The following TENM3 variants were observed in gnomAD, a reference collection of about 807,000 sequenced individuals.
The protein encoded by TENM3 is teneurin transmembrane protein 3, also known as teneurin-3.
Under a neutral mutation model 255.1 loss-of-function variants are expected in TENM3, and 63 were observed. That is an observed-to-expected ratio of 0.25 (90% confidence interval 0.20 to 0.30). The LOEUF (loss-of-function observed/expected upper bound fraction) is 0.30, where lower values mean the gene tolerates loss of function less well. TENM3 is among the 10% of genes least tolerant of loss of function. The probability of loss-of-function intolerance (pLI) is 1.00; values close to 1 mark genes in which losing one functional copy is unlikely to be tolerated. For missense variants in TENM3, 2,929 were observed against 3,461.1 expected (o/e 0.85, Z 3.86); for synonymous variants, 1,306 against 1,322.3 (o/e 0.99, Z 0.27).
At chr4:182,488,377 T>C (rs1344988366) in intron 3 of TENM3, among the ~76,000 whole-genome samples, 1 of 152,184 alleles carries the variant, frequency 6.6e-6, no homozygotes, top group African/African-American at 2.4e-5. Context: ...TTTTAGATGG[T>C]GTCACTGAGG....
intron 1 of TENM3, among the ~76,000 whole-genome samples, chr4:182,194,984 CT>C (rs1257140952): frequency 1.3e-5 from 2 of 151,650 alleles, no homozygotes; most frequent in African/African-American, 4.9e-5. Flanking sequence ...GTAATTATCA[CT>C]GCAAGGCTTA....
the TENM3 span, among the ~76,000 whole-genome samples, chr4:182,013,079 C>G: frequency 6.6e-6 from 1 of 152,166 alleles, no homozygotes; most frequent in Non-Finnish European, 1.5e-5. Context: ...CAATTCTCCA[C>G]TTTTCCCCTT....
chr4:182,686,434 G>A (rs1736418386), intron 11 of TENM3, among the ~76,000 whole-genome samples: 1 of 152,004 alleles, frequency 6.6e-6, no homozygotes, highest in South Asian at 2.1e-4. Context: ...AAGTTTACAA[G>A]CAGTATAATT....
chr4:181,943,105 T>A, the TENM3 span, among the ~76,000 whole-genome samples: 1 of 152,238 alleles, frequency 6.6e-6, no homozygotes, highest in Admixed American at 6.5e-5. Flanking sequence ...CAAATGTAAT[T>A]TTAGGGCAAA....
At chr4:182,270,725 T>C (rs779302701) in intron 1 of TENM3, among the ~76,000 whole-genome samples, 1 of 152,210 alleles carries the variant, frequency 6.6e-6, no homozygotes, top group Non-Finnish European at 1.5e-5. Flanking sequence ...AAATTCTCAC[T>C]TTCAGGAAAT....
intron 4 of TENM3, among the ~76,000 whole-genome samples, chr4:182,601,367 G>A (rs558722603): frequency 2.0e-5 from 3 of 152,116 alleles, no homozygotes; most frequent in African/African-American, 7.2e-5. Flanking sequence ...ACAGTTTGTT[G>A]CCTACAAGAG....
At chr4:182,649,807 G>A (rs1183889693) in intron 5 of TENM3, among the ~76,000 whole-genome samples, 1 of 150,382 alleles carries the variant, frequency 6.6e-6, no homozygotes, top group African/African-American at 2.4e-5. Context: ...CCAGCCTGCA[G>A]TGTCTTTGGA....
intron 3 of TENM3, among the ~76,000 whole-genome samples, chr4:182,468,522 C>T (rs148238420): frequency 6.6e-5 from 10 of 152,196 alleles, no homozygotes; most frequent in African/African-American, 1.2e-4. Flanking sequence ...GAAATTCTTC[C>T]GTTATCCTTT....
chr4:182,622,416 A>G (rs12648727), intron 4 of TENM3, among the ~76,000 whole-genome samples: 10,647 of 152,258 alleles, frequency 0.07, 432 homozygotes, highest in East Asian at 0.14. Context: ...CTCATGATCT[A>G]CTGATGTCTC....
chr4:182,679,480 G>A (rs1308366008), intron 7 of TENM3, among the ~76,000 whole-genome samples, 186 bp from the exon 8 acceptor site: 1 of 152,130 alleles, frequency 6.6e-6, no homozygotes, highest in South Asian at 2.1e-4. Flanking sequence ...AGCCCTGTGT[G>A]GCGAATAGTT....
intron 1 of TENM3, among the ~76,000 whole-genome samples, chr4:182,160,077 A>C (rs1241564751): frequency 6.7e-6 from 1 of 149,472 alleles, no homozygotes; most frequent in Non-Finnish European, 1.5e-5. Flanking sequence ...ATCTCGGCTC[A>C]CTGCAAGCTC....
the TENM3 span, among the ~76,000 whole-genome samples, chr4:181,521,497 A>G: frequency 1.3e-5 from 2 of 152,244 alleles, no homozygotes; most frequent in Non-Finnish European, 2.9e-5. Flanking sequence ...GATTTTATAC[A>G]GAAGTTTCCC....
At chr4:182,282,894 G>GAAAAAAAAAAAAAAAAAAAAAA (rs35385277) in intron 1 of TENM3, among the ~76,000 whole-genome samples, 1 of 70,954 alleles carries the variant, frequency 1.4e-5, no homozygotes, top group Admixed American at 1.7e-4. Flanking sequence ...CTCCATTTCA[G>GAAAAAAAAAAAAAAAAAAAAAA]AAAAAAAAAA....
At position 182,608,687 on chromosome 4, in the gene TENM3, G is replaced by A. The variant is rs554518045; in HGVS notation, c.749+7526G>A. Among the ~76,000 whole-genome samples, 3 of 152,292 alleles carry A rather than the reference G, an allele frequency of 2.0e-5. No homozygotes were observed. In the East Asian group the frequency reaches 5.8e-4, roughly 30 times the overall value. On this transcript the variant is annotated intron_variant, in intron 4 of 27. Coordinates refer to ENST00000511685, the MANE Select transcript of TENM3 (RefSeq NM_001080477.4). ...CGTCCTAGCGCTTCTGCAGGCCCGGGTTTGGGGGTGGCCGCTCAGGTCAGG... is the reference window on the plus strand; with the variant it reads ...CGTCCTAGCGCTTCTGCAGGCCCGGATTTGGGGGTGGCCGCTCAGGTCAGG...
At chr4:182,380,124 A>C (rs1767462809) in intron 3 of TENM3, among the ~76,000 whole-genome samples, 1 of 152,032 alleles carries the variant, frequency 6.6e-6, no homozygotes, top group Admixed American at 6.5e-5. Flanking sequence ...CAAAAAAATT[A>C]GGCGGGCCTG....
At chr4:181,467,066 T>TGTGTGTGTGC in the TENM3 span, among the ~76,000 whole-genome samples, 1 of 18,290 alleles carries the variant, frequency 5.5e-5, no homozygotes, top group Non-Finnish European at 1.3e-4. Flanking sequence ...TACTAGTGTG[T>TGTGTGTGTGC]GTGTGTGTGT....
At chr4:182,648,551 G>A (rs1000689063) in intron 5 of TENM3, among the ~76,000 whole-genome samples, 4 of 152,200 alleles carry the variant, frequency 2.6e-5, no homozygotes, top group Admixed American at 1.3e-4. Context: ...AAAATGCTAG[G>A]TAGGATTACA....
the TENM3 span, among the ~76,000 whole-genome samples, chr4:181,905,409 G>T: frequency 6.6e-6 from 1 of 152,070 alleles, no homozygotes. Context: ...CAGCTGCTGG[G>T]CAAATCTAAC....
chr4:182,165,429 G>T (rs1211466245), intron 1 of TENM3, among the ~76,000 whole-genome samples: 1 of 152,158 alleles, frequency 6.6e-6, no homozygotes, highest in East Asian at 1.9e-4. Context: ...GCTGACTTCT[G>T]ATTTGTGGCT....
Sources: allele counts gnomAD v4.1 joint callset (sites outside exome capture counted in the v4.1 genomes callset), GRCh38; gene constraint gnomAD v4.1.1; transcripts MANE v1.5; gene names NCBI Gene and HGNC (gene_info 2026-07-23, HGNC 2026-07-21).